The following RBL2 variants were observed in gnomAD, a reference collection of about 807,000 sequenced individuals.
The protein encoded by RBL2 is RB transcriptional corepressor like 2.
Under a neutral mutation model 126.0 loss-of-function variants are expected in RBL2, and 56 were observed. The ratio of observed to expected loss-of-function variants is 0.44; its 90% CI spans 0.36 to 0.56. The LOEUF is 0.56. Ranked by LOEUF, RBL2 falls within the 20% of genes least tolerant of loss-of-function variation. The pLI is 0.00. For missense variants in RBL2, 1,229 were observed against 1,398.2 expected (o/e 0.88, Z 1.93); for synonymous variants, 454 against 478.5 (o/e 0.95, Z 0.67).
In RBL2 at chr16:53,434,487, C is replaced by T. The variant is rs557602757; in HGVS notation, c.-70C>T. ...GGTGCGGGCGGCGGACGGGCGGGCG[C>T]TTCGCCGTTTGAATGGCTGCGGGCC... On this transcript the variant is annotated 5_prime_UTR_variant, in exon 1 of 22. Transcript: ENST00000262133. The T allele has an allele frequency of 1.2e-5, 16 of 1,317,420 alleles. No individual in the cohort carries two copies. Among genetic ancestry groups the T allele is most frequent in the Non-Finnish European group, 1.4e-5 (15 of 1,035,012 alleles). The allele number at this position is 1,317,420 out of a possible 1,614,324, so 81.6% of individuals were successfully genotyped here.
chr16:53,479,896 G>A lies in RBL2; in HGVS notation c.2786G>A (p.Ser929Asn), dbSNP rs764115557. ...QPQARSQVYR[S>N]VLIKGKRKRR... The stretch of plus-strand genomic sequence containing the variant: ...ATTGTTTCTCTAAAGGTGTATAGAA[G>A]TGTTTTGATAAAAGGGAAAAGAAAA... The change falls in exon 19 of 22, where the codon AGT becomes AAT. Residue 929 changes from serine to asparagine, a missense_variant. Physicochemically the swap from Ser to Asn is conservative, Grantham distance 46. Transcript: ENST00000262133. 1.1e-5 allele frequency: 17 copies of A among 1,599,354 alleles called. No homozygotes were observed. In the South Asian group the frequency reaches 1.9e-4, roughly 18 times the overall value.
intron 4 of RBL2, among the ~76,000 whole-genome samples, chr16:53,449,795 T>G (rs984612549): frequency 1.3e-5 from 2 of 152,108 alleles, no homozygotes; most frequent in African/African-American, 4.8e-5. Context: ...ACTTGTTATC[T>G]TTGTTGATTA....
At chr16:53,479,637 C>A in intron 18 of RBL2, 1 of 466,618 alleles carries the variant, frequency 2.1e-6, no homozygotes, top group Non-Finnish European at 3.8e-6. Flanking sequence ...CTTAGAATGA[C>A]TTGACATTAT....
chr16:53,471,561 C>T (rs1414372541), intron 17 of RBL2, among the ~76,000 whole-genome samples: 1 of 152,034 alleles, frequency 6.6e-6, no homozygotes, highest in Non-Finnish European at 1.5e-5. Context: ...CTCTGCCTCC[C>T]AGGTTCAAGC....
Position 53,467,089 on chromosome 16 carries a change from A to G in RBL2, c.1895A>G (p.Asp632Gly), listed in dbSNP as rs1315218699. ...VMPPQNLERA[D>G]EICIAGSPLT... Reference sequence around the variant, plus strand: ...CCACCTCAGAACCTGGAAAGGGCAGATGAAATTTGCATTGCTGGCTCCCCT... The same window carrying G: ...CCACCTCAGAACCTGGAAAGGGCAGGTGAAATTTGCATTGCTGGCTCCCCT... The change falls in exon 14 of 22, where the codon GAT becomes GGT. Residue 632 changes from aspartate (D) to glycine (G), a missense_variant. Physicochemically the swap from Asp to Gly is moderately conservative, Grantham distance 94. Around this residue, in one of 2 missense-constraint regions of RBL2, gnomAD observed 1,070 missense variants for 1,274.3 expected, o/e 0.84. Transcript: ENST00000262133. The G allele has an allele frequency of 6.2e-7, 1 of 1,613,962 alleles. No individual in the cohort carries two copies. Among genetic ancestry groups the G allele is most frequent in the Admixed American group, 1.7e-5 (1 of 60,000 alleles).
intron 21 of RBL2, among the ~76,000 whole-genome samples, chr16:53,484,994 T>C (rs889710491): frequency 1.7e-5 from 2 of 119,044 alleles, no homozygotes; most frequent in South Asian, 2.4e-4. Flanking sequence ...AGAGGACATA[T>C]AACCCTAAAT....
Position 53,462,597 on chromosome 16 carries a change from A to C in RBL2, c.1502A>C (p.Lys501Thr), listed in dbSNP as rs141851791. The change falls in exon 11 of 22, where the codon AAA becomes ACA. Residue 501 changes from lysine to threonine, a missense_variant. Around this residue, in one of 2 missense-constraint regions of RBL2, gnomAD observed 1,070 missense variants for 1,274.3 expected, o/e 0.84. Transcript: ENST00000262133. ...CGTTTTGCGGAGATGCTTTACTATA[A>C]AGTATTAGAATCTGTTATTGAGCAG... ...HFRFAEMLYY[K>T]VLESVIEQEQ... 984 of 1,568,076 alleles carry C rather than the reference A, an allele frequency of 6.3e-4. No individual in the cohort carries two copies. Among genetic ancestry groups the C allele is most frequent in the Non-Finnish European group, 8.1e-4 (945 of 1,166,132 alleles).
At chr16:53,476,188 A>G (rs919563909) in intron 17 of RBL2, among the ~76,000 whole-genome samples, 4 of 152,270 alleles carry the variant, frequency 2.6e-5, no homozygotes, top group South Asian at 2.1e-4. Context: ...CTTTAGCTGC[A>G]TGAGTGTTGG....
At chr16:53,435,682 G>A in intron 1 of RBL2, 1 of 1,289,024 alleles carries the variant, frequency 7.8e-7, no homozygotes, top group Middle Eastern at 2.1e-4. Context: ...TTCTCAAGTC[G>A]TTTTATAATT....
chr16:53,461,964 G>C (rs2058225709), intron 10 of RBL2, 114 bp downstream of exon 10: 1 of 862,462 alleles, frequency 1.2e-6, no homozygotes, highest in Non-Finnish European at 1.7e-6. Context: ...CTGAAGGCTA[G>C]GATATGGCTG....
intron 5 of RBL2, 97 bp downstream of exon 5, chr16:53,451,928 A>G: frequency 7.3e-7 from 1 of 1,375,260 alleles, no homozygotes; most frequent in Non-Finnish European, 1.0e-6. Context: ...TATTTTGAAG[A>G]GCTCCTGTCA....
Position 53,439,040 on chromosome 16 carries a change from T to C in RBL2, c.265T>C (p.Cys89Arg). The C allele has an allele frequency of 1.2e-6, 2 of 1,601,048 alleles. No individual in the cohort carries two copies. The highest frequency in any genetic ancestry group is 1.7e-6 in the Non-Finnish European group (2 of 1,173,984). ...LEGNDLHWLACALYVACRKSV... is the reference protein window; with the variant it reads ...LEGNDLHWLARALYVACRKSV... Reference sequence around the variant, plus strand: ...GGGAAATGATCTTCATTGGTTAGCATGTGCCTTATATGTGGCTTGCAGAAA... The same window carrying C: ...GGGAAATGATCTTCATTGGTTAGCACGTGCCTTATATGTGGCTTGCAGAAA... The change falls in exon 2 of 22, where the codon TGT (cysteine) becomes CGT (arginine). Residue 89 changes from cysteine to arginine, a missense_variant. Cys to Arg is a radical substitution (Grantham distance 180, BLOSUM62 -3). Coordinates refer to ENST00000262133, the MANE Select transcript of RBL2 (RefSeq NM_005611.4).
In RBL2 at chr16:53,434,578, T is replaced by C; in HGVS notation, c.22T>C (p.Ser8Pro). 1 of 1,532,406 alleles carries C rather than the reference T, an allele frequency of 6.5e-7. No individual in the cohort carries two copies. Among genetic ancestry groups the C allele is most frequent in the Non-Finnish European group, 8.7e-7 (1 of 1,148,460 alleles). The allele number at this position is 1,532,406 out of a possible 1,614,324, so 94.9% of individuals were successfully genotyped here. A position where few individuals can be genotyped will look rare whatever the true frequency, so the allele number is the denominator to read the frequency against. MPSGGDQ[S>P]PPPPPPPPAA... Reference sequence around the variant, plus strand: ...CGCTATGCCGTCGGGAGGTGACCAGTCGCCACCGCCCCCGCCTCCCCCTCC... The same window carrying C: ...CGCTATGCCGTCGGGAGGTGACCAGCCGCCACCGCCCCCGCCTCCCCCTCC... The change falls in exon 1 of 22, where the codon TCG becomes CCG. Residue 8 changes from serine to proline, a missense_variant. Ser to Pro is a moderately conservative substitution (Grantham distance 74, BLOSUM62 -1). Coordinates refer to ENST00000262133, the MANE Select transcript of RBL2 (RefSeq NM_005611.4).
intron 3 of RBL2, 96 bp from the exon 4 acceptor site, chr16:53,446,946 C>T (rs1462319934): frequency 1.6e-6 from 1 of 629,362 alleles, no homozygotes; most frequent in African/African-American, 1.9e-5. Context: ...CTCCCTTTAA[C>T]TGTGGGTTTT....
chr16:53,483,759 G>A (rs1040877856), intron 21 of RBL2, among the ~76,000 whole-genome samples: 3 of 151,986 alleles, frequency 2.0e-5, no homozygotes, highest in Non-Finnish European at 4.4e-5. Context: ...CGGGCATGGT[G>A]GTGGACACCT....
At position 53,467,797 on chromosome 16, in the gene RBL2, T is replaced by C. The variant is rs147314453; in HGVS notation, c.1975+628T>C. On this transcript the variant is annotated intron_variant, in intron 14 of 21. Transcript: ENST00000262133. Reference sequence around the variant, plus strand: ...AACTGTTAAGATCATTGTTGGGTGATAGAATTCCTGGTGATTTCTGTAAAA... The same window carrying C: ...AACTGTTAAGATCATTGTTGGGTGACAGAATTCCTGGTGATTTCTGTAAAA... Among the ~76,000 whole-genome samples, 610 of 152,364 alleles carry C rather than the reference T, an allele frequency of 4.0e-3. 36 individuals are homozygous for C. The South Asian group carries it at 0.085, about 21-fold the overall frequency.
At chr16:53,461,185 C>T (rs2058216195) in intron 9 of RBL2, among the ~76,000 whole-genome samples, 1 of 152,148 alleles carries the variant, frequency 6.6e-6, no homozygotes, top group South Asian at 2.1e-4. Flanking sequence ...GGTTGCTAAA[C>T]TTCCTGCACT....
intron 1 of RBL2, among the ~76,000 whole-genome samples, chr16:53,436,100 A>G (rs913743918): frequency 6.6e-6 from 1 of 152,154 alleles, no homozygotes; most frequent in African/African-American, 2.4e-5. Context: ...CTATGTTCCT[A>G]TTCATCTCTC....
intron 17 of RBL2, among the ~76,000 whole-genome samples, chr16:53,474,279 C>G (rs1960635753): frequency 6.6e-6 from 1 of 151,506 alleles, no homozygotes; most frequent in Non-Finnish European, 1.5e-5. Context: ...GCGTGAGCCA[C>G]TGCACCCGGC....
Sources: gnomAD v4.1 joint callset for allele counts (sites outside exome capture counted in the v4.1 genomes callset) on GRCh38, gnomAD v4.1.1 for gene constraint, gnomAD v4.1.1 regional missense constraint, MANE v1.5 for transcripts, NCBI Gene and HGNC (gene_info 2026-07-23, HGNC 2026-07-21) for gene names.